Variants in LCORL observed in about 807,000 individuals in gnomAD.
The protein encoded by LCORL is ligand dependent nuclear receptor corepressor like, also known as ligand-dependent nuclear receptor corepressor-like protein.
LCORL carries 41 observed loss-of-function variants against 141.8 expected under a neutral mutation model. That is an observed-to-expected ratio of 0.29 (90% CI 0.23 to 0.38). The LOEUF is 0.38. LCORL is among the 10% of genes least tolerant of loss of function. The pLI, the probability that LCORL is intolerant of heterozygous loss-of-function variation, is 1.00. For missense variants in LCORL, 1,759 were observed against 2,035.0 expected, an observed-to-expected ratio of 0.86 and a Z score of 2.61; for synonymous variants, 618 against 694.1, an observed-to-expected ratio of 0.89 and a Z score of 1.72.
intron 5 of LCORL, among the ~76,000 whole-genome samples, chr4:17,895,951 A>G (rs950263705): frequency 5.3e-5 from 8 of 152,188 alleles, no homozygotes; most frequent in Non-Finnish European, 1.0e-4. Context: ...GTTAATGGAC[A>G]TTTGGGTTGT....
intron 4 of LCORL, among the ~76,000 whole-genome samples, chr4:17,929,918 A>G (rs1735732593): frequency 6.6e-6 from 1 of 152,334 alleles, no homozygotes; most frequent in African/African-American, 2.4e-5. Context: ...TAATAAAGAC[A>G]TGCCAAATTT....
intron 1 of LCORL, among the ~76,000 whole-genome samples, chr4:18,010,177 G>A (rs904943287): frequency 6.6e-6 from 1 of 152,200 alleles, no homozygotes; most frequent in East Asian, 1.9e-4. Flanking sequence ...AGTTTAAAAA[G>A]TTAATTGAAA....
intron 5 of LCORL, among the ~76,000 whole-genome samples, chr4:17,895,030 T>C (rs187091054): frequency 6.7e-6 from 1 of 149,068 alleles, no homozygotes; most frequent in East Asian, 1.9e-4. Flanking sequence ...TGTTTATATA[T>C]ATAATATATA....
At chr4:18,017,103 C>T (rs1354001839) in intron 1 of LCORL, among the ~76,000 whole-genome samples, 1 of 152,044 alleles carries the variant, frequency 6.6e-6, no homozygotes, top group African/African-American at 2.4e-5. Flanking sequence ...TGATGAGACA[C>T]CCATTGGCCA....
At chr4:17,956,409 A>C (rs1045096979) in intron 4 of LCORL, among the ~76,000 whole-genome samples, 3 of 152,092 alleles carry the variant, frequency 2.0e-5, no homozygotes, top group Non-Finnish European at 4.4e-5. Flanking sequence ...ATTCAACTTA[A>C]ATGTCTATGA....
intron 5 of LCORL, among the ~76,000 whole-genome samples, chr4:17,895,119 T>A (rs1729714760): frequency 6.6e-6 from 1 of 151,984 alleles, no homozygotes; most frequent in Admixed American, 6.6e-5. Context: ...ATGTACACAT[T>A]GTACAGTAAT....
chr4:17,987,264 A>C (rs1016161320), intron 1 of LCORL, among the ~76,000 whole-genome samples: 1 of 152,090 alleles, frequency 6.6e-6, no homozygotes, highest in Non-Finnish European at 1.5e-5. Flanking sequence ...CTCACTTTCC[A>C]TTTCTATACA....
exon 8 of LCORL, chr4:17,845,497 A>G (rs1258412494): frequency 1.3e-5 from 5 of 390,238 alleles, no homozygotes; most frequent in East Asian, 4.0e-5. Flanking sequence ...ACATAATACC[A>G]CTAAAAGAGA....
chr4:18,019,333 T>A (rs1045186570), intron 1 of LCORL, among the ~76,000 whole-genome samples: 1 of 152,212 alleles, frequency 6.6e-6, no homozygotes, highest in Non-Finnish European at 1.5e-5. Context: ...TAAGACTCCA[T>A]CTCAATAAAT....
intron 4 of LCORL, among the ~76,000 whole-genome samples, chr4:17,959,909 C>T (rs1713449131): frequency 6.6e-6 from 1 of 152,004 alleles, no homozygotes; most frequent in South Asian, 2.1e-4. Flanking sequence ...ATATTTCTTG[C>T]CTTTTACTTC....
intron 6 of LCORL, among the ~76,000 whole-genome samples, chr4:17,878,449 C>T (rs969054783): frequency 6.6e-6 from 1 of 151,292 alleles, no homozygotes; most frequent in Non-Finnish European, 1.5e-5. Context: ...AATATAAAAG[C>T]TGATGATTAT....
chr4:17,952,733 C>T (rs1019374395), intron 4 of LCORL, among the ~76,000 whole-genome samples: 3 of 152,068 alleles, frequency 2.0e-5, no homozygotes, highest in African/African-American at 7.2e-5. Flanking sequence ...TTTTTTAAAA[C>T]TTTTATTTTA....
intron 4 of LCORL, among the ~76,000 whole-genome samples, chr4:17,938,696 A>G (rs1271597534): frequency 2.6e-5 from 4 of 152,070 alleles, no homozygotes; most frequent in Non-Finnish European, 5.9e-5. Flanking sequence ...TGCAGGTGTG[A>G]GCCACCGCGC....
intron 4 of LCORL, among the ~76,000 whole-genome samples, chr4:17,933,144 A>G (rs1228307991): frequency 6.6e-6 from 1 of 152,024 alleles, no homozygotes; most frequent in African/African-American, 2.4e-5. Context: ...GGATGTCTCA[A>G]AATTTGTTAT....
chr4:17,964,938 G>C lies in LCORL; in HGVS notation c.221-1889C>G, dbSNP rs1714584426. On this transcript the variant is annotated intron_variant, in intron 2 of 7. Coordinates refer to ENST00000635767, the Ensembl canonical transcript of LCORL. ...GAAAATAGCTTGTAGGCTTCGGGAA[G>C]GGGTATTTTTAAAAAATAGCTGTAC... Among the ~76,000 whole-genome samples the C allele has an allele frequency of 4.0e-5, 6 of 151,762 alleles. No homozygotes were observed. The South Asian group carries it at 1.2e-3, about 32-fold the overall frequency.
At chr4:17,843,963 T>A (rs1412711145) in exon 8 of LCORL, 2 of 152,090 alleles carry the variant, frequency 1.3e-5, no homozygotes, top group Non-Finnish European at 2.9e-5. Context: ...TATTTTGTGA[T>A]TCCTACAGTG....
At chr4:18,000,797 G>A (rs1311742747) in intron 1 of LCORL, among the ~76,000 whole-genome samples, 1 of 152,182 alleles carries the variant, frequency 6.6e-6, no homozygotes, top group Non-Finnish European at 1.5e-5. Context: ...GGGATATGAA[G>A]AGACTTCTGG....
intron 7 of LCORL, among the ~76,000 whole-genome samples, chr4:17,867,292 A>G (rs1253397602): frequency 9.2e-5 from 14 of 152,110 alleles, no homozygotes; most frequent in Admixed American, 8.5e-4. Context: ...AAGCCACACC[A>G]TATCAAAATT....
intron 7 of LCORL, among the ~76,000 whole-genome samples, chr4:17,862,152 A>C (rs1192610912): frequency 6.6e-6 from 1 of 152,156 alleles, no homozygotes; most frequent in African/African-American, 2.4e-5. Context: ...TTCCATTTTC[A>C]TGCTGCTGGT....
Sources: gnomAD v4.1 joint callset for allele counts (sites outside exome capture counted in the v4.1 genomes callset) on GRCh38, gnomAD v4.1.1 for gene constraint, MANE v1.5 for transcripts, NCBI Gene and HGNC (gene_info 2026-07-23, HGNC 2026-07-21) for gene names.